The following ITGA4 variants were observed in gnomAD, a reference collection of about 807,000 sequenced individuals.
The protein encoded by ITGA4 is integrin subunit alpha 4, also known as integrin alpha-4.
Under a neutral mutation model 133.6 loss-of-function variants are expected in ITGA4, and 63 were observed. The observed-to-expected ratio is 0.47, with a 90% confidence interval of 0.38 to 0.58. The LOEUF is 0.58. ITGA4 is among the 20% of genes least tolerant of loss of function. ITGA4 has a pLI of 0.00. For synonymous variants in ITGA4, 483 were observed against 438.0 expected, an observed-to-expected ratio of 1.10 and a Z score of -1.28; for missense variants, 1,076 against 1,252.7, an observed-to-expected ratio of 0.86 and a Z score of 2.13.
intron 14 of ITGA4, among the ~76,000 whole-genome samples, chr2:181,496,320 C>T (rs1471352453): frequency 6.6e-6 from 1 of 152,060 alleles, no homozygotes; most frequent in Non-Finnish European, 1.5e-5. Context: ...TCTATAATCC[C>T]AGCACTTGAG....
At position 181,524,268 on chromosome 2, in the gene ITGA4, T is replaced by A. The variant is rs1344499975; in HGVS notation, c.2249+18T>A. ...GCTACCTGGTATAATTTATTGTTAA[T>A]AAAATGAACTAGAAATATACCCCCA... On this transcript the variant is annotated intron_variant, in intron 20 of 27. Coordinates refer to ENST00000397033, the MANE Select transcript of ITGA4 (RefSeq NM_000885.6). 2 of 1,388,930 alleles carry A rather than the reference T, an allele frequency of 1.4e-6. No individual in the cohort carries two copies. Among genetic ancestry groups the A allele is most frequent in the Non-Finnish European group, 2.0e-6 (2 of 1,004,038 alleles). The allele number at this position is 1,388,930 out of a possible 1,614,324, so 86.0% of individuals were successfully genotyped here.
At position 181,524,268 on chromosome 2, in the gene ITGA4, TA is replaced by T; in HGVS notation, c.2249+22del. 2 of 1,388,930 alleles carry T rather than the reference TA, an allele frequency of 1.4e-6. No individual in the cohort carries two copies. The highest frequency in any genetic ancestry group is 1.8e-4 in the Middle Eastern group (1 of 5,590). The allele number at this position is 1,388,930 out of a possible 1,614,324, so 86.0% of individuals were successfully genotyped here. A position where few individuals can be genotyped will look rare whatever the true frequency, so the allele number is the denominator to read the frequency against. On this transcript the variant is annotated intron_variant, in intron 20 of 27. Transcript: ENST00000397033. The stretch of plus-strand genomic sequence containing the variant: ...GCTACCTGGTATAATTTATTGTTAA[TA>T]AAATGAACTAGAAATATACCCCCAT...
At position 181,509,854 on chromosome 2, in the gene ITGA4, A is replaced by C. The variant is rs762855659; in HGVS notation, c.1845+47A>C. ...CAAATTATTGTATGGCATTTAACTA[A>C]ATTTTTAAAATATGGCATAATTCTG... On this transcript the variant is annotated intron_variant, in intron 16 of 27. Coordinates refer to ENST00000397033, the MANE Select transcript of ITGA4 (RefSeq NM_000885.6). The C allele has an allele frequency of 3.6e-6, 5 of 1,392,344 alleles. No individual in the cohort carries two copies. The South Asian group carries it at 3.7e-5, about 10-fold the overall frequency. 86.2% of individuals were successfully genotyped at this position (1,392,344 alleles called of 1,614,324 possible).
rs191726149 is a variant in ITGA4, at chr2:181,523,109, C to A, written c.2074-328C>A. 8.6e-5 allele frequency among the ~76,000 whole-genome samples: 13 copies of A among 151,862 alleles called. No individual in the cohort carries two copies. In the East Asian group the frequency reaches 2.1e-3, roughly 25 times the overall value. ...ATCAAGATAAATGAAAGCTACAAGT[C>A]CAGAATTTTTTTTTTGTGGAGAATC... On this transcript the variant is annotated intron_variant, in intron 18 of 27. Coordinates refer to ENST00000397033, the MANE Select transcript of ITGA4 (RefSeq NM_000885.6). This position sits in a 1 kb window ranked among gnomAD's most constrained non-coding sequence, Gnocchi z 4.2.
At chr2:181,459,830 C>G (rs1685222597) in intron 2 of ITGA4, among the ~76,000 whole-genome samples, 1 of 152,186 alleles carries the variant, frequency 6.6e-6, no homozygotes, top group Non-Finnish European at 1.5e-5. Context: ...GTTTCCTGAT[C>G]CATGACATTA....
rs897121923 is a variant in ITGA4 at position 181,537,744 on chromosome 2, A to C, written c.*2217A>C. ...TGTGTCCAATAAACACATTGTAAAA[A>C]AAAGAATTTGAATTGATATCTAAAA... On this transcript the variant is annotated 3_prime_UTR_variant, in exon 28 of 28. Transcript: ENST00000397033. The C allele has an allele frequency of 4.5e-6, 2 of 442,670 alleles. No homozygotes were observed. The highest frequency in any genetic ancestry group is 4.0e-5 in the African/African-American group (2 of 49,440). The allele number at this position is 442,670 out of a possible 1,614,324, so 27.4% of individuals were successfully genotyped here. A position where few individuals can be genotyped will look rare whatever the true frequency, so the allele number is the denominator to read the frequency against.
At chr2:181,457,914 G>A in intron 1 of ITGA4, 63 bp downstream of exon 1, 1 of 1,440,856 alleles carries the variant, frequency 6.9e-7, no homozygotes, top group African/African-American at 1.4e-5. Context: ...GGCGCCCTAG[G>A]GATTCCCTGC....
Position 181,509,750 on chromosome 2 carries a change from C to T in ITGA4, c.1788C>T (p.Phe596=). 6.2e-7 allele frequency: 1 copy of T among 1,611,334 alleles called. No individual in the cohort carries two copies. The highest frequency in any genetic ancestry group is 8.5e-7 in the Non-Finnish European group (1 of 1,178,348). The stretch of plus-strand genomic sequence containing the variant: ...TCAGTAAACGAAGTACAGAGGAATT[C>T]CCACCACTTCAGCCAATTCTTCAGC... ...HVISKRSTEE[F]PPLQPILQQK... The change falls in exon 16 of 28, where the codon TTC becomes TTT. Residue 596 remains phenylalanine, a synonymous_variant. Transcript: ENST00000397033.
chr2:181,529,176 C>A (rs1413819094), intron 22 of ITGA4, among the ~76,000 whole-genome samples: 2 of 152,080 alleles, frequency 1.3e-5, no homozygotes, highest in Non-Finnish European at 2.9e-5. Flanking sequence ...TGGTGAATAC[C>A]AAAATGTTGG....
rs76753047 is a variant in ITGA4, at chr2:181,475,773, G to A, written c.556+485G>A. ...TTTTCCTTCAAGCAGCAAGAGATTC[G>A]TGTCTTGAGTTTGAAACATTTTTCT... On this transcript the variant is annotated intron_variant, in intron 4 of 27. Coordinates refer to ENST00000397033, the MANE Select transcript of ITGA4 (RefSeq NM_000885.6). The A allele has an allele frequency of 2.6e-4, 403 of 1,563,016 alleles. 3 individuals are homozygous for A. In the East Asian group the frequency reaches 8.6e-3, roughly 33 times the overall value.
intron 2 of ITGA4, among the ~76,000 whole-genome samples, chr2:181,467,652 T>G (rs1450839129): frequency 6.6e-6 from 1 of 152,134 alleles, no homozygotes; most frequent in East Asian, 1.9e-4. Flanking sequence ...GATTGTACAG[T>G]CTGTGGGCAT....
intron 7 of ITGA4, 55 bp from the exon 8 acceptor site, chr2:181,482,305 G>C: frequency 2.7e-6 from 4 of 1,481,960 alleles, no homozygotes; most frequent in Non-Finnish European, 3.6e-6. Flanking sequence ...GAAAGGAGTG[G>C]TGTTTTAAAA....
intron 25 of ITGA4, among the ~76,000 whole-genome samples, chr2:181,532,511 G>A (rs1193467506): frequency 1.3e-5 from 2 of 151,972 alleles, no homozygotes; most frequent in Admixed American, 6.6e-5. Flanking sequence ...TATTCTGTTT[G>A]TAGTGAATGG....
At chr2:181,493,253 A>G in intron 10 of ITGA4, 72 bp from the exon 11 acceptor site, 2 of 931,044 alleles carry the variant, frequency 2.1e-6, no homozygotes, top group Non-Finnish European at 1.7e-6. Context: ...ATTAAGGTTC[A>G]TAAGGTTAGT....
chr2:181,531,814 G>A (rs751372790), intron 25 of ITGA4, 38 bp downstream of exon 25: 14 of 1,491,670 alleles, frequency 9.4e-6, no homozygotes, highest in Non-Finnish European at 1.2e-5. Context: ...TGGTGGCTAA[G>A]TTTACATAAA....
At chr2:181,527,906 G>A (rs1686867162) in intron 22 of ITGA4, among the ~76,000 whole-genome samples, 1 of 152,168 alleles carries the variant, frequency 6.6e-6, no homozygotes, top group South Asian at 2.1e-4. Context: ...TTAAAGTAAA[G>A]AGTACTATCG....
intron 4 of ITGA4, chr2:181,475,814 C>G (rs1685661106): frequency 1.9e-6 from 3 of 1,599,132 alleles, no homozygotes; most frequent in Non-Finnish European, 2.6e-6. Flanking sequence ...TAACTCTATG[C>G]TATAGGTAGC....
chr2:181,520,273 T>C (rs1003804213), intron 17 of ITGA4, among the ~76,000 whole-genome samples: 1 of 152,038 alleles, frequency 6.6e-6, no homozygotes, highest in African/African-American at 2.4e-5. Context: ...GAAGAGGAGA[T>C]GTTGACATCA....
intron 9 of ITGA4, among the ~76,000 whole-genome samples, chr2:181,484,583 G>T (rs1011944775): frequency 1.3e-5 from 2 of 152,142 alleles, no homozygotes; most frequent in African/African-American, 4.8e-5. Flanking sequence ...TATTTATAAA[G>T]ATGATTCCCA....
Sources: allele counts gnomAD v4.1 joint callset (sites outside exome capture counted in the v4.1 genomes callset), GRCh38; gene constraint gnomAD v4.1.1; non-coding constraint Gnocchi (gnomAD v3.1); transcripts MANE v1.5; gene names NCBI Gene and HGNC (gene_info 2026-07-23, HGNC 2026-07-21).